Variants in SRBD1 observed in about 807,000 individuals in gnomAD.
The protein encoded by SRBD1 is S1 RNA-binding domain-containing protein 1.
SRBD1 carries 88 observed loss-of-function variants against 115.3 expected under a neutral mutation model. The ratio of observed to expected loss-of-function variants is 0.76; its 90% CI spans 0.64 to 0.91. The LOEUF (loss-of-function observed/expected upper bound fraction) is 0.91, where lower values mean the gene tolerates loss of function less well. Among genes scored for constraint, SRBD1 ranks in the 40% least tolerant of loss-of-function variants. The pLI is 0.00. For missense variants in SRBD1, 1,385 were observed against 1,177.4 expected, an observed-to-expected ratio of 1.18 and a Z score of -2.58; for synonymous variants, 509 against 407.7, an observed-to-expected ratio of 1.25 and a Z score of -2.99.
chr2:45,544,949 G>A (rs890915259), intron 14 of SRBD1, among the ~76,000 whole-genome samples: 2 of 152,096 alleles, frequency 1.3e-5, no homozygotes, highest in Non-Finnish European at 2.9e-5. Flanking sequence ...GAAAGGCTAA[G>A]TAACTCTTCA....
intron 19 of SRBD1, among the ~76,000 whole-genome samples, chr2:45,402,454 C>G (rs1420098884): frequency 6.6e-6 from 1 of 152,086 alleles, no homozygotes; most frequent in African/African-American, 2.4e-5. Context: ...AAAGGAAATC[C>G]TATAGTACAA....
chr2:45,526,828 T>C (rs913052067), intron 14 of SRBD1, among the ~76,000 whole-genome samples: 1 of 151,736 alleles, frequency 6.6e-6, no homozygotes, highest in African/African-American at 2.4e-5. Context: ...AAGATTAGGA[T>C]TCATGTAAAG....
intron 14 of SRBD1, among the ~76,000 whole-genome samples, chr2:45,540,447 A>T (rs1671898562): frequency 6.6e-6 from 1 of 152,182 alleles, no homozygotes; most frequent in East Asian, 1.9e-4. Flanking sequence ...ACAGAAGAAA[A>T]TCACAGTAAC....
rs1465681135 is a variant in SRBD1 at position 45,609,356 on chromosome 2, C to T, written c.-1+1863G>A. ...TCCTCCAAAATGTCTTGAATCTCCACGATCTTCAGTGAGCCTTTAGTCCTC... is the reference window on the plus strand; with the variant it reads ...TCCTCCAAAATGTCTTGAATCTCCATGATCTTCAGTGAGCCTTTAGTCCTC... On this transcript the variant is annotated intron_variant, in intron 1 of 20. Coordinates refer to ENST00000263736, the MANE Select transcript of SRBD1 (RefSeq NM_018079.5). 2.6e-5 allele frequency among the ~76,000 whole-genome samples: 4 copies of T among 152,330 alleles called. No individual in the cohort carries two copies. In the South Asian group the frequency reaches 8.3e-4, roughly 32 times the overall value.
chr2:45,530,503 GC>G (rs1671577751), intron 14 of SRBD1, among the ~76,000 whole-genome samples: 1 of 152,014 alleles, frequency 6.6e-6, no homozygotes, highest in African/African-American at 2.4e-5. Context: ...AAGTTAAAGT[GC>G]TTACAAAATA....
intron 10 of SRBD1, among the ~76,000 whole-genome samples, chr2:45,559,267 G>A (rs1672584314): frequency 6.6e-6 from 1 of 151,894 alleles, no homozygotes; most frequent in Non-Finnish European, 1.5e-5. Context: ...ATCCTTATTG[G>A]CTTCCCACCA....
intron 14 of SRBD1, among the ~76,000 whole-genome samples, chr2:45,499,116 A>G (rs1212582418): frequency 6.6e-6 from 1 of 152,118 alleles, no homozygotes; most frequent in Non-Finnish European, 1.5e-5. Flanking sequence ...TCCCACCAAC[A>G]GTGTATGAGT....
At chr2:45,597,780 A>C (rs535376738) in intron 4 of SRBD1, among the ~76,000 whole-genome samples, 140 of 152,342 alleles carry the variant, frequency 9.2e-4, no homozygotes, top group African/African-American at 3.2e-3. Context: ...AAGAGCTTAT[A>C]TACTTGTAAC....
chr2:45,437,540 G>C (rs1021907850), intron 16 of SRBD1, among the ~76,000 whole-genome samples: 1 of 152,090 alleles, frequency 6.6e-6, no homozygotes, highest in Non-Finnish European at 1.5e-5. Flanking sequence ...TGTAGACACA[G>C]ATCTTACACC....
rs111206721 is a variant in SRBD1, at chr2:45,414,755, C to T, written c.2334-1462G>A. 3.1e-4 allele frequency among the ~76,000 whole-genome samples: 36 copies of T among 115,804 alleles called. 2 individuals carry two copies. The highest frequency in any genetic ancestry group is 4.4e-3 in the Middle Eastern group (1 of 228). The allele number at this position is 115,804 out of a possible 152,430, so 76.0% of individuals were successfully genotyped here. A position where few individuals can be genotyped will look rare whatever the true frequency, so the allele number is the denominator to read the frequency against. ...AGTGTGTATATAGTATGTACACACA[C>T]ACAGTGTGTATATAGTATGTACACA... is the stretch of plus-strand genomic sequence containing the variant. On this transcript the variant is annotated intron_variant, in intron 18 of 20. Transcript: ENST00000263736.
At chr2:45,535,510 GAAC>G (rs1267909081) in intron 14 of SRBD1, among the ~76,000 whole-genome samples, 1 of 151,268 alleles carries the variant, frequency 6.6e-6, no homozygotes, top group Non-Finnish European at 1.5e-5. Context: ...TTTCCCTCTG[GAAC>G]AACAAAATAA....
rs140612408 is a variant in SRBD1 at position 45,411,187 on chromosome 2, C to T, written c.2513+1927G>A. On this transcript the variant is annotated intron_variant, in intron 19 of 20. Coordinates refer to ENST00000263736, the MANE Select transcript of SRBD1 (RefSeq NM_018079.5). ...ACTAAATTAGAGGACACCCAGGTGA[C>T]GTCTGCTGGATAATCTGCTGCAGAA... 1.1e-3 allele frequency among the ~76,000 whole-genome samples: 169 copies of T among 152,184 alleles called. No individual in the cohort carries two copies. In the East Asian group the frequency reaches 0.029, roughly 26 times the overall value.
At chr2:45,418,246 A>G (rs575032646) in intron 18 of SRBD1, 119 bp downstream of exon 18, 1 of 1,182,560 alleles carries the variant, frequency 8.5e-7, no homozygotes, top group African/African-American at 1.5e-5. Flanking sequence ...TCAACACTTA[A>G]CTGAATGAAG....
At chr2:45,404,690 C>G (rs1667380458) in intron 19 of SRBD1, among the ~76,000 whole-genome samples, 1 of 152,160 alleles carries the variant, frequency 6.6e-6, no homozygotes, top group Admixed American at 6.6e-5. Context: ...GCTTCTACCA[C>G]TGCCCCTTAC....
chr2:45,511,308 A>G (rs772553615), intron 14 of SRBD1, among the ~76,000 whole-genome samples: 2 of 152,244 alleles, frequency 1.3e-5, no homozygotes, highest in Non-Finnish European at 2.9e-5. Context: ...AGCAGCATAA[A>G]TATGCAGATG....
chr2:45,604,323 T>C (rs889563890), intron 2 of SRBD1, among the ~76,000 whole-genome samples: 19 of 150,568 alleles, frequency 1.3e-4, no homozygotes, highest in South Asian at 2.1e-4. Flanking sequence ...CTGTATAAAA[T>C]TGAGATTTTT....
At chr2:45,486,208 C>T (rs1670114057) in intron 15 of SRBD1, among the ~76,000 whole-genome samples, 1 of 152,172 alleles carries the variant, frequency 6.6e-6, no homozygotes, top group Non-Finnish European at 1.5e-5. Flanking sequence ...ACAGCAGTAT[C>T]TTCAGCAGCG....
In SRBD1 at chr2:45,599,604, A is replaced by C. The variant is rs1674025102; in HGVS notation, c.493T>G (p.Cys165Gly). 6.2e-7 allele frequency: 1 copy of C among 1,614,174 alleles called. No individual in the cohort carries two copies. Among genetic ancestry groups the C allele is most frequent in the South Asian group, 1.1e-5 (1 of 91,084 alleles). Residue 165 changes from cysteine to glycine, a missense_variant, in exon 4 of 21, where the codon TGC (cysteine) becomes GGC (glycine). Cys to Gly is a radical substitution (Grantham distance 159, BLOSUM62 -3). Transcript: ENST00000263736. ...TCATCGTCATTCTCTTCCTTCTTGC[A>C]TGTACCTCCCCACACAGTGCTTGTG... Reference protein sequence around the residue: ...PSTSTVWGGTCKKEENDDDFT... With the variant: ...PSTSTVWGGTGKKEENDDDFT...
chr2:45,404,674 C>T (rs1667379963), intron 19 of SRBD1, among the ~76,000 whole-genome samples: 1 of 152,134 alleles, frequency 6.6e-6, no homozygotes, highest in Admixed American at 6.6e-5. Flanking sequence ...TTTAACTGGT[C>T]TCCCTGCTTC....
Sources: allele counts gnomAD v4.1 joint callset (sites outside exome capture counted in the v4.1 genomes callset), GRCh38; gene constraint gnomAD v4.1.1; transcripts MANE v1.5; gene names NCBI Gene and HGNC (gene_info 2026-07-23, HGNC 2026-07-21).